Variants in FGF12 observed in about 807,000 individuals in gnomAD.
The protein encoded by FGF12 is fibroblast growth factor 12, also known as fibroblast growth factor 12B.
Under a neutral mutation model 23.6 loss-of-function variants are expected in FGF12, and 14 were observed. That is an observed-to-expected ratio of 0.59 (90% CI 0.39 to 0.93). The LOEUF is 0.93. Among genes scored for constraint, FGF12 ranks in the 40% least tolerant of loss-of-function variants. The pLI is 0.00. For synonymous variants in FGF12, 62 were observed against 77.3 expected (o/e 0.80, Z 1.04); for missense variants, 175 against 217.8 (o/e 0.80, Z 1.24).
At chr3:192,282,762 G>C (rs1714222496) in intron 4 of FGF12, 1 of 129,554 alleles carries the variant, frequency 7.7e-6, no homozygotes, top group Non-Finnish European at 1.6e-5. Flanking sequence ...TTTTACTCTT[G>C]TTTCCCACAT....
intron 2 of FGF12, among the ~76,000 whole-genome samples, chr3:192,670,918 G>A (rs1362262798): frequency 6.6e-6 from 1 of 152,194 alleles, no homozygotes; most frequent in Non-Finnish European, 1.5e-5. Context: ...GTACAGTGAA[G>A]ATAGATAAAA....
At chr3:192,615,352 T>C (rs914575368) in intron 2 of FGF12, among the ~76,000 whole-genome samples, 1 of 152,022 alleles carries the variant, frequency 6.6e-6, no homozygotes, top group South Asian at 2.1e-4. Flanking sequence ...GATTTCTCAT[T>C]ATAAAATCAC....
intron 2 of FGF12, among the ~76,000 whole-genome samples, chr3:192,675,947 C>A (rs2108700890): frequency 6.6e-6 from 1 of 152,256 alleles, no homozygotes; most frequent in East Asian, 1.9e-4. Flanking sequence ...AAACCCAATA[C>A]ACCACACCAG....
chr3:192,544,208 C>T (rs1478718038), intron 2 of FGF12, among the ~76,000 whole-genome samples: 1 of 152,114 alleles, frequency 6.6e-6, no homozygotes, highest in African/African-American at 2.4e-5. Context: ...CTCTTCCAAG[C>T]ACACAGATTT....
chr3:192,352,387 C>A (rs1718266948), intron 3 of FGF12, among the ~76,000 whole-genome samples: 1 of 152,178 alleles, frequency 6.6e-6, no homozygotes, highest in Non-Finnish European at 1.5e-5. Context: ...TGGGCCCCAG[C>A]CTCACAGTCT....
chr3:192,291,290 A>G (rs540109581), intron 4 of FGF12, among the ~76,000 whole-genome samples: 8 of 152,260 alleles, frequency 5.3e-5, no homozygotes, highest in African/African-American at 1.9e-4. Context: ...TTAAAAAATT[A>G]TCACTACAGG....
intron 2 of FGF12, among the ~76,000 whole-genome samples, chr3:192,627,902 T>C (rs995050391): frequency 6.6e-6 from 1 of 150,396 alleles, no homozygotes; most frequent in Admixed American, 6.6e-5. Flanking sequence ...AATTTTATCA[T>C]ATGTAGAGGT....
At chr3:192,384,656 AC>A (rs1338860576) in intron 2 of FGF12, among the ~76,000 whole-genome samples, 1 of 152,214 alleles carries the variant, frequency 6.6e-6, no homozygotes, top group Non-Finnish European at 1.5e-5. Flanking sequence ...ATACTTATAC[AC>A]ATACACACGC....
At position 192,336,353 on chromosome 3, in the gene FGF12, T is replaced by C. The variant is rs1247972705; in HGVS notation, c.125-889A>G. 1.3e-5 allele frequency among the ~76,000 whole-genome samples: 2 copies of C among 152,028 alleles called. No homozygotes were observed. Among genetic ancestry groups the C allele is most frequent in the Non-Finnish European group, 2.9e-5 (2 of 67,984 alleles). The stretch of plus-strand genomic sequence containing the variant: ...TCTATATGTCCACTTAGAGAAGGAA[T>C]TCGTAGATCAGAAAAAAAGATACCT... On this transcript the variant is annotated intron_variant, in intron 3 of 5. Transcript: ENST00000445105. The surrounding 1 kb of genome is among the most constrained non-coding windows in gnomAD (Gnocchi z 4.3).
intron 2 of FGF12, among the ~76,000 whole-genome samples, chr3:192,706,487 C>A (rs867494869): frequency 6.6e-6 from 1 of 152,186 alleles, no homozygotes; most frequent in East Asian, 1.9e-4. Context: ...CCGCCCAGTG[C>A]CACTTCCTTC....
At chr3:192,282,578 A>C (rs1283463027) in intron 4 of FGF12, among the ~76,000 whole-genome samples, 4 of 152,116 alleles carry the variant, frequency 2.6e-5, no homozygotes, top group African/African-American at 7.2e-5. Context: ...TGTGGCTTCC[A>C]AGGAGTTCTA....
intron 4 of FGF12, among the ~76,000 whole-genome samples, chr3:192,190,828 C>T (rs891180811): frequency 7.2e-5 from 11 of 152,158 alleles, no homozygotes; most frequent in Admixed American, 7.2e-4. Flanking sequence ...AACATCTCCC[C>T]ATGAAAAGAA....
At chr3:192,241,964 A>G (rs1479443884) in intron 4 of FGF12, among the ~76,000 whole-genome samples, 5 of 152,206 alleles carry the variant, frequency 3.3e-5, no homozygotes, top group African/African-American at 7.2e-5. Flanking sequence ...ACTTTTAGAG[A>G]CAAATAATAA....
intron 4 of FGF12, among the ~76,000 whole-genome samples, chr3:192,296,032 C>A (rs973065253): frequency 6.6e-6 from 1 of 150,540 alleles, no homozygotes; most frequent in Non-Finnish European, 1.5e-5. Context: ...CAGGCACACA[C>A]CACCATGCTG....
At chr3:192,498,534 G>A (rs1302535472) in intron 2 of FGF12, among the ~76,000 whole-genome samples, 11 of 151,960 alleles carry the variant, frequency 7.2e-5, no homozygotes, top group Non-Finnish European at 7.4e-5. Context: ...ACCATTGACT[G>A]GCCTTTAATA....
intron 4 of FGF12, among the ~76,000 whole-genome samples, chr3:192,261,157 A>AATCC (rs1402432754): frequency 1.3e-5 from 2 of 152,160 alleles, no homozygotes; most frequent in Non-Finnish European, 2.9e-5. Flanking sequence ...CAGGTGAGAG[A>AATCC]ATCCAGCAAG....
intron 2 of FGF12, among the ~76,000 whole-genome samples, chr3:192,404,850 C>T (rs1720899860): frequency 6.6e-6 from 1 of 152,210 alleles, no homozygotes; most frequent in African/African-American, 2.4e-5. Flanking sequence ...CAATGGCCTC[C>T]TTAGCCTATG....
chr3:192,215,864 G>C (rs548379938), intron 4 of FGF12, among the ~76,000 whole-genome samples: 1 of 152,226 alleles, frequency 6.6e-6, no homozygotes, highest in Admixed American at 6.5e-5. Context: ...CTAACGTCCA[G>C]CTTTTTATTA....
intron 2 of FGF12, among the ~76,000 whole-genome samples, chr3:192,523,010 T>C (rs1293264939): frequency 1.3e-5 from 2 of 152,244 alleles, no homozygotes; most frequent in Admixed American, 6.5e-5. Flanking sequence ...CATTTTATAC[T>C]TTAAAAATGT....
Sources: allele counts gnomAD v4.1 joint callset (sites outside exome capture counted in the v4.1 genomes callset), GRCh38; gene constraint gnomAD v4.1.1; non-coding constraint Gnocchi (gnomAD v3.1); transcripts MANE v1.5; gene names NCBI Gene and HGNC (gene_info 2026-07-23, HGNC 2026-07-21).